ESYT3: variants seen among roughly 807,000 people sequenced by gnomAD.
ESYT3 encodes the protein extended synaptotagmin 3.
ESYT3 carries 101 observed loss-of-function variants against 111.5 expected under a neutral mutation model. The observed-to-expected ratio is 0.91, with a 90% CI of 0.77 to 1.07. The LOEUF is 1.07. Ranked by LOEUF, ESYT3 falls within the 50% of genes least tolerant of loss-of-function variation. The pLI is 0.00. For missense variants in ESYT3, 1,097 were observed against 1,109.4 expected (o/e 0.99, Z 0.16); for synonymous variants, 416 against 446.8 (o/e 0.93, Z 0.87).
intron 18 of ESYT3, 32 bp from the exon 19 acceptor site, chr3:138,473,504 G>C: frequency 6.3e-7 from 1 of 1,594,290 alleles, no homozygotes; most frequent in Non-Finnish European, 8.6e-7. Context: ...TGCTTGTTAT[G>C]GCGAGAGAAG....
In ESYT3 at chr3:138,474,225, C is replaced by T. The variant is rs759241694; in HGVS notation, c.2341C>T (p.Leu781=). ...ATGTCTTTGACACCAAATCAGAAAC[C>T]TAACACCATGTACCAGCAGTGGAGC... ...LSVLINGCRN[L]TPCTSSGADP... The change falls in exon 20 of 23, where the codon CTA becomes TTA. Residue 781 remains leucine, a synonymous_variant. Transcript: ENST00000389567. The T allele has an allele frequency of 4.5e-5, 73 of 1,610,422 alleles. No individual in the cohort carries two copies. The highest frequency in any genetic ancestry group is 4.2e-6 in the Non-Finnish European group (5 of 1,178,680).
chr3:138,459,263 G>A lies in ESYT3; in HGVS notation c.648+10G>A, dbSNP rs1435768865. The A allele has an allele frequency of 5.8e-6, 9 of 1,543,414 alleles. No individual in the cohort carries two copies. Among genetic ancestry groups the A allele is most frequent in the Admixed American group, 3.6e-5 (2 of 56,216 alleles). ...TGTGAACGGGATCCAGGTGGGTGGA[G>A]CCCGGTGGGGCTGCCTCTGTTCCAG... On this transcript the variant is annotated intron_variant, in intron 5 of 22. Transcript: ENST00000389567.
intron 20 of ESYT3, among the ~76,000 whole-genome samples, chr3:138,475,796 G>A (rs939772998): frequency 1.3e-5 from 2 of 152,198 alleles, no homozygotes; most frequent in African/African-American, 2.4e-5. Flanking sequence ...AGGTGTGGTG[G>A]TGCATGCCTG....
rs1390605659 is a variant in ESYT3 at position 138,473,587 on chromosome 3, CTA to C, written c.2291_2292del (p.Tyr764CysfsTer26). ...TGGGTGAGATTCAGCTCACAGTGCG[CTA>C]TGTGTGTCTGCGGCGCTGCCTCAGC... Reference protein sequence around the residue: ...QLGEIQLTVRYVCLRRCLSVL... With the variant: ...QLGEIQLTVRXVCLRRCLSVL... On this transcript the variant is annotated frameshift_variant, in exon 19 of 23. Transcript: ENST00000389567. LOFTEE classifies it high-confidence loss of function. 6.2e-7 allele frequency: 1 copy of C among 1,613,784 alleles called. No individual in the cohort carries two copies. The highest frequency in any genetic ancestry group is 1.7e-5 in the Admixed American group (1 of 59,994).
Position 138,476,300 on chromosome 3 carries a change from G to T in ESYT3, c.2546G>T (p.Gly849Val), listed in dbSNP as rs781732294. Residue 849 changes from glycine (G) to valine (V), a missense_variant, in exon 21 of 23, where the codon GGC becomes GTC. Physicochemically the swap from Gly to Val is moderately radical, Grantham distance 109. Coordinates refer to ENST00000389567, the MANE Select transcript of ESYT3 (RefSeq NM_031913.5). Reference sequence around the variant, plus strand: ...GCAGTGAAAAATAGTAGGCCACTTGGCTCACACAGAAGAAAGGAGTTAGGA... The same window carrying T: ...GCAGTGAAAAATAGTAGGCCACTTGTCTCACACAGAAGAAAGGAGTTAGGA... ...DVAVKNSRPL[G>V]SHRRKELGKV... The T allele has an allele frequency of 9.9e-6, 16 of 1,613,596 alleles. No homozygotes were observed. The highest frequency in any genetic ancestry group is 8.5e-7 in the Non-Finnish European group (1 of 1,179,672).
rs1011652208 is a variant in ESYT3 at position 138,452,155 on chromosome 3, A to G, written c.369+66A>G. On this transcript the variant is annotated intron_variant, in intron 2 of 22. Transcript: ENST00000389567. ...CAGCCTCGTCCTCCCCGCGGCTGTC[A>G]CCCCCACAGCCTGATGGGGGCCTCG... 3.3e-6 allele frequency: 5 copies of G among 1,525,974 alleles called. No homozygotes were observed. In the African/African-American group the frequency reaches 5.5e-5, roughly 17 times the overall value. The allele number at this position is 1,525,974 out of a possible 1,614,324, so 94.5% of individuals were successfully genotyped here. A position where few individuals can be genotyped will look rare whatever the true frequency, so the allele number is the denominator to read the frequency against.
intron 1 of ESYT3, among the ~76,000 whole-genome samples, chr3:138,449,008 G>C (rs187039710): frequency 6.6e-6 from 1 of 152,044 alleles, no homozygotes; most frequent in Admixed American, 6.6e-5. Flanking sequence ...ACAGGTGTGG[G>C]CAATCGAGAG....
chr3:138,450,709 T>G (rs960507074), intron 1 of ESYT3, among the ~76,000 whole-genome samples: 1 of 152,236 alleles, frequency 6.6e-6, no homozygotes, highest in Non-Finnish European at 1.5e-5. Context: ...TGGGAATGGC[T>G]GTGATCCTGA....
rs1273501581 is a variant in ESYT3 at position 138,435,436 on chromosome 3, C to CA, written c.327+311_327+312insA. Among the ~76,000 whole-genome samples, 1 of 152,224 alleles carries CA rather than the reference C, an allele frequency of 6.6e-6. No homozygotes were observed. The highest frequency in any genetic ancestry group is 1.5e-5 in the Non-Finnish European group (1 of 68,028). On this transcript the variant is annotated intron_variant, in intron 1 of 22. Transcript: ENST00000389567. The surrounding 1 kb of genome is among the most constrained non-coding windows in gnomAD (Gnocchi z 4.8). Reference sequence around the variant, plus strand: ...ACCACACCCGGGAGAAAAACAAGGGCGTCTGGGACTTCGCAGACTTACTCG... The same window carrying CA: ...ACCACACCCGGGAGAAAAACAAGGGCAGTCTGGGACTTCGCAGACTTACTCG...
Position 138,477,506 on chromosome 3 carries a change from A to G in ESYT3, c.*652A>G, listed in dbSNP as rs2033542151. ...TATACTTAAATACCTTGAGTTAAAT[A>G]CTCTTGTGTAGTCTAAGGGCCAAAC... On this transcript the variant is annotated 3_prime_UTR_variant, in exon 23 of 23. Transcript: ENST00000389567. 6.6e-6 allele frequency: 1 copy of G among 152,130 alleles called. No individual in the cohort carries two copies. Among genetic ancestry groups the G allele is most frequent in the African/African-American group, 2.4e-5 (1 of 41,400 alleles). 9.4% of individuals were successfully genotyped at this position (152,130 alleles called of 1,614,324 possible).
chr3:138,454,544 C>T (rs560207131), intron 2 of ESYT3, among the ~76,000 whole-genome samples: 6 of 152,214 alleles, frequency 3.9e-5, no homozygotes, highest in Middle Eastern at 3.4e-3. Context: ...GCAACAAGAG[C>T]GAAACTCCGT....
intron 2 of ESYT3, 70 bp downstream of exon 2, chr3:138,452,159 C>A: frequency 6.7e-7 from 1 of 1,501,802 alleles, no homozygotes. Flanking sequence ...GCTGTCACCC[C>A]CACAGCCTGA....
chr3:138,476,637 T>C, intron 22 of ESYT3, 145 bp downstream of exon 22: 2 of 1,044,598 alleles, frequency 1.9e-6, no homozygotes, highest in Admixed American at 4.0e-5. Flanking sequence ...CAGATCTCAC[T>C]GATACCCTAA....
At chr3:138,468,217 T>C in intron 12 of ESYT3, 23 bp downstream of exon 12, 1 of 1,610,274 alleles carries the variant, frequency 6.2e-7, no homozygotes, top group African/African-American at 1.3e-5. Flanking sequence ...TGTCAAGGGC[T>C]CCCTTGCAGA....
rs1357876466 is a variant in ESYT3, at chr3:138,440,092, T to G, written c.327+4967T>G. 6.6e-6 allele frequency among the ~76,000 whole-genome samples: 1 copy of G among 152,200 alleles called. No homozygotes were observed. Among genetic ancestry groups the G allele is most frequent in the Non-Finnish European group, 1.5e-5 (1 of 68,040 alleles). Reference sequence around the variant, plus strand: ...TCATAGCTGTAGGGTCTGCCATCATTAACCAGTCCCGAGCCTGCTTTTCTC... The same window carrying G: ...TCATAGCTGTAGGGTCTGCCATCATGAACCAGTCCCGAGCCTGCTTTTCTC... On this transcript the variant is annotated intron_variant, in intron 1 of 22. Coordinates refer to ENST00000389567, the MANE Select transcript of ESYT3 (RefSeq NM_031913.5). The surrounding 1 kb of genome is among the most constrained non-coding windows in gnomAD (Gnocchi z 4.2).
chr3:138,455,426 C>T (rs1404197196), intron 3 of ESYT3, 98 bp downstream of exon 3: 3 of 1,374,950 alleles, frequency 2.2e-6, no homozygotes, highest in Non-Finnish European at 3.0e-6. Context: ...AGTCATATGA[C>T]TGCAGAGATC....
chr3:138,445,663 C>T (rs778430052), intron 1 of ESYT3, among the ~76,000 whole-genome samples: 5 of 152,162 alleles, frequency 3.3e-5, no homozygotes, highest in Admixed American at 6.5e-5. Context: ...TGTTCTTGCA[C>T]GTACTTGAGG....
Position 138,468,883 on chromosome 3 carries a change from T to A in ESYT3, c.1434+2T>A. On this transcript the variant is annotated splice_donor_variant, in intron 14 of 22. Transcript: ENST00000389567. LOFTEE classifies it high-confidence loss of function. Reference sequence around the variant, plus strand: ...AAAAAACTCTCCAGGTTTGCCAGAGTGAGTGAGTATGTGGCTAAAAACTCC... The same window carrying A: ...AAAAAACTCTCCAGGTTTGCCAGAGAGAGTGAGTATGTGGCTAAAAACTCC... 1 of 1,613,962 alleles carries A rather than the reference T, an allele frequency of 6.2e-7. No individual in the cohort carries two copies.
At chr3:138,469,058 C>T (rs2033085353) in intron 14 of ESYT3, among the ~76,000 whole-genome samples, 177 bp downstream of exon 14, 1 of 152,180 alleles carries the variant, frequency 6.6e-6, no homozygotes, top group Non-Finnish European at 1.5e-5. Context: ...CAACTCATCC[C>T]CCACATTTGT....
Sources: gnomAD v4.1 joint callset for allele counts (sites outside exome capture counted in the v4.1 genomes callset) on GRCh38, gnomAD v4.1.1 for gene constraint, Gnocchi (gnomAD v3.1) non-coding constraint, MANE v1.5 for transcripts, NCBI Gene and HGNC (gene_info 2026-07-23, HGNC 2026-07-21) for gene names.